Variants in GCH1 observed in about 807,000 individuals in gnomAD.
GCH1 encodes the protein GTP cyclohydrolase I.
GCH1 carries 5 observed loss-of-function variants against 25.9 expected under a neutral mutation model. That is an observed-to-expected ratio of 0.19 (90% CI 0.10 to 0.41). The LOEUF is 0.41. Among genes scored for constraint, GCH1 ranks in the 10% least tolerant of loss-of-function variants. The pLI is 1.00. For missense variants in GCH1, 261 were observed against 336.5 expected (o/e 0.78, Z 1.75); for synonymous variants, 159 against 129.6 (o/e 1.23, Z -1.54).
intron 1 of GCH1, among the ~76,000 whole-genome samples, chr14:54,873,219 C>T (rs1336463946): frequency 6.6e-6 from 1 of 152,170 alleles, no homozygotes; most frequent in African/African-American, 2.4e-5. Context: ...TACATGAAAA[C>T]TGAGCAACCT....
At chr14:54,862,595 TTTTTTTTTTTTTGGTTGG>T (rs2039918328) in intron 2 of GCH1, among the ~76,000 whole-genome samples, 1 of 130,240 alleles carries the variant, frequency 7.7e-6, no homozygotes, top group African/African-American at 2.8e-5. Context: ...TGGTTTTCGT[TTTTTTTTTTTTTGGTTGG>T]TTTTTTTTTT....
At chr14:54,875,359 C>A (rs11626155) in intron 1 of GCH1, among the ~76,000 whole-genome samples, 1 of 151,992 alleles carries the variant, frequency 6.6e-6, no homozygotes, top group Non-Finnish European at 1.5e-5. Context: ...AGACCTAAAA[C>A]CATAAAAACC....
intron 1 of GCH1, chr14:54,884,799 C>A (rs8009759): frequency 0.37 from 53,272 of 144,630 alleles, 10,440 homozygotes; most frequent in East Asian, 0.53. Context: ...ACAACAACAA[C>A]AAAAAAAAAG....
chr14:54,893,289 T>C (rs1422402280), intron 1 of GCH1, among the ~76,000 whole-genome samples: 1 of 152,210 alleles, frequency 6.6e-6, no homozygotes, highest in Non-Finnish European at 1.5e-5. Context: ...GAACTGAGAA[T>C]TGTTCACATA....
rs1234147348 is a variant in GCH1 at position 54,843,919 on chromosome 14, T to C, written c.*98A>G. 6.2e-7 allele frequency: 1 copy of C among 1,611,862 alleles called. No individual in the cohort carries two copies. The highest frequency in any genetic ancestry group is 8.5e-7 in the Non-Finnish European group (1 of 1,178,604). ...AGTGACAAGGAATAAAGTTCACATC[T>C]GTAACAATTGAAAATGGAATGTACA... On this transcript the variant is annotated 3_prime_UTR_variant, in exon 6 of 6. Transcript: ENST00000491895.
intron 3 of GCH1, among the ~76,000 whole-genome samples, chr14:54,849,886 T>C (rs1012792493): frequency 1.3e-5 from 2 of 152,190 alleles, no homozygotes; most frequent in African/African-American, 4.8e-5. Context: ...TGGACTTCAG[T>C]TTCATTTTTT....
At chr14:54,865,986 G>C (rs1304449621) in intron 1 of GCH1, among the ~76,000 whole-genome samples, 1 of 151,994 alleles carries the variant, frequency 6.6e-6, no homozygotes, top group Non-Finnish European at 1.5e-5. Context: ...ATTCTAAACA[G>C]TTGCCTTCCT....
intron 1 of GCH1, 60 bp downstream of exon 1, chr14:54,902,261 G>T: frequency 1.3e-6 from 2 of 1,569,102 alleles, no homozygotes; most frequent in Non-Finnish European, 1.7e-6. Flanking sequence ...GCCGGCGCGC[G>T]TTTCCTGCAA....
chr14:54,900,878 C>CAT (rs1460095661), intron 1 of GCH1, among the ~76,000 whole-genome samples: 2 of 149,366 alleles, frequency 1.3e-5, no homozygotes, highest in East Asian at 3.9e-4. Flanking sequence ...CACACACACA[C>CAT]ACACACACAC....
chr14:54,902,697 C>A lies in GCH1; in HGVS notation c.-34G>T, dbSNP rs112573943. 3.2e-4 allele frequency: 456 copies of A among 1,418,144 alleles called. 1 individual carries two copies. The African/African-American group carries it at 6.1e-3, about 19-fold the overall frequency. The allele number at this position is 1,418,144 out of a possible 1,614,324, so 87.8% of individuals were successfully genotyped here. A position where few individuals can be genotyped will look rare whatever the true frequency, so the allele number is the denominator to read the frequency against. On this transcript the variant is annotated 5_prime_UTR_variant, in exon 1 of 6. Coordinates refer to ENST00000491895, the MANE Select transcript of GCH1 (RefSeq NM_000161.3). Reference sequence around the variant, plus strand: ...CGCAGCCGCTGCCGTTCGGGAAGGACCCCGGGGCGCTTCGAGGTCTGCGGC... The same window carrying A: ...CGCAGCCGCTGCCGTTCGGGAAGGAACCCGGGGCGCTTCGAGGTCTGCGGC...
At chr14:54,870,521 C>G (rs548427264) in intron 1 of GCH1, among the ~76,000 whole-genome samples, 1 of 152,098 alleles carries the variant, frequency 6.6e-6, no homozygotes, top group Non-Finnish European at 1.5e-5. Flanking sequence ...GGGGGTGCAG[C>G]GCACCCAGTG....
At position 54,843,702 on chromosome 14, in the gene GCH1, T is replaced by C. The variant is rs1329324108; in HGVS notation, c.*315A>G. ...ATGCTTATGAGGCAAATTACTGTAC[T>C]ATTTGAAAAAAATACACTAATTCTT... On this transcript the variant is annotated 3_prime_UTR_variant, in exon 6 of 6. Transcript: ENST00000491895. 6.2e-7 allele frequency: 1 copy of C among 1,609,596 alleles called. No homozygotes were observed. The highest frequency in any genetic ancestry group is 2.2e-5 in the East Asian group (1 of 44,822).
chr14:54,855,372 G>A (rs2039792970), intron 3 of GCH1, among the ~76,000 whole-genome samples: 1 of 151,944 alleles, frequency 6.6e-6, no homozygotes, highest in Non-Finnish European at 1.5e-5. Flanking sequence ...TATGCGTGGT[G>A]GTACACGCCT....
chr14:54,882,890 G>T (rs964496377), intron 1 of GCH1, among the ~76,000 whole-genome samples: 2 of 152,176 alleles, frequency 1.3e-5, no homozygotes, highest in Non-Finnish European at 2.9e-5. Flanking sequence ...CGCAACAGGG[G>T]TTCCCAAATA....
chr14:54,870,120 T>C (rs1001244217), intron 1 of GCH1, among the ~76,000 whole-genome samples: 2 of 152,152 alleles, frequency 1.3e-5, no homozygotes. Flanking sequence ...TATAACTGCA[T>C]ACGTTTGTTA....
At chr14:54,850,313 T>C (rs987417858) in intron 3 of GCH1, among the ~76,000 whole-genome samples, 3 of 148,806 alleles carry the variant, frequency 2.0e-5, no homozygotes, top group African/African-American at 7.4e-5. Flanking sequence ...TTCTTTTTTT[T>C]TTTTTTTTTT....
At chr14:54,901,585 C>T (rs1482293271) in intron 1 of GCH1, among the ~76,000 whole-genome samples, 1 of 152,138 alleles carries the variant, frequency 6.6e-6, no homozygotes, top group African/African-American at 2.4e-5. Flanking sequence ...CTGGAACCCA[C>T]GGAGCCCTCC....
At chr14:54,867,585 G>A (rs1031467829) in intron 1 of GCH1, among the ~76,000 whole-genome samples, 11 of 62,126 alleles carry the variant, frequency 1.8e-4, no homozygotes, top group East Asian at 1.9e-3. Flanking sequence ...ACAAGACTCC[G>A]TCTCAAAAAA....
At chr14:54,900,843 T>TCACACACACACACACA in intron 1 of GCH1, among the ~76,000 whole-genome samples, 1 of 84,752 alleles carries the variant, frequency 1.2e-5, no homozygotes, top group Admixed American at 1.7e-4. Flanking sequence ...TTGTGAAATA[T>TCACACACACACACACA]CTCACACACA....
Sources: allele counts gnomAD v4.1 joint callset (sites outside exome capture counted in the v4.1 genomes callset), GRCh38; gene constraint gnomAD v4.1.1; transcripts MANE v1.5; gene names NCBI Gene and HGNC (gene_info 2026-07-23, HGNC 2026-07-21).